CWC15: variants seen among roughly 807,000 people sequenced by gnomAD.
The protein encoded by CWC15 is CWC15 spliceosome associated protein.
Under a neutral mutation model 28.4 loss-of-function variants are expected in CWC15, and 12 were observed. That is an observed-to-expected ratio of 0.42 (90% confidence interval 0.27 to 0.69). The LOEUF is 0.69. CWC15 is among the 30% of genes least tolerant of loss of function. The pLI is 0.23. For synonymous variants in CWC15, 92 were observed against 88.4 expected (o/e 1.04, Z -0.23); for missense variants, 192 against 271.5 (o/e 0.71, Z 2.06).
rs923400366 is a variant in CWC15 at position 94,970,247 on chromosome 11, G to A, written c.334-151C>T. ...GCTAGCAGCAAAGATACTCAAAAGTGCAAAAAAGTGTGCTAAATTCTCAGA... is the reference window on the plus strand; with the variant it reads ...GCTAGCAGCAAAGATACTCAAAAGTACAAAAAAGTGTGCTAAATTCTCAGA... On this transcript the variant is annotated intron_variant, in intron 4 of 6. Coordinates refer to ENST00000279839, the MANE Select transcript of CWC15 (RefSeq NM_016403.4). 2.9e-5 allele frequency: 12 copies of A among 411,874 alleles called. No individual in the cohort carries two copies. In the East Asian group the frequency reaches 4.0e-4, roughly 14 times the overall value. 25.5% of individuals were successfully genotyped at this position (411,874 alleles called of 1,614,324 possible).
chr11:94,962,936 C>G lies in CWC15; in HGVS notation c.*449G>C, dbSNP rs1369719719. On this transcript the variant is annotated 3_prime_UTR_variant, in exon 7 of 7. Transcript: ENST00000279839. ...ATAGAATCCCTCTCATCTTCCATTA[C>G]ACTCTTTTAAAAAATGCAGAGAAAA... 6.6e-6 allele frequency: 1 copy of G among 152,556 alleles called. No individual in the cohort carries two copies. Among genetic ancestry groups the G allele is most frequent in the Admixed American group, 6.5e-5 (1 of 15,268 alleles). The allele number at this position is 152,556 out of a possible 1,614,324, so 9.5% of individuals were successfully genotyped here.
chr11:94,964,079 A>G (rs1346636965), intron 6 of CWC15, among the ~76,000 whole-genome samples: 1 of 152,172 alleles, frequency 6.6e-6, no homozygotes, highest in Non-Finnish European at 1.5e-5. Flanking sequence ...TACCAGCTGA[A>G]GAGCTCAGAG....
In CWC15 at chr11:94,962,859, C is replaced by G. The variant is rs1857587245; in HGVS notation, c.*526G>C. The G allele has an allele frequency of 6.6e-6, 1 of 152,222 alleles. No individual in the cohort carries two copies. Among genetic ancestry groups the G allele is most frequent in the African/African-American group, 2.4e-5 (1 of 41,442 alleles). 9.4% of individuals were successfully genotyped at this position (152,222 alleles called of 1,614,324 possible). A position where few individuals can be genotyped will look rare whatever the true frequency, so the allele number is the denominator to read the frequency against. On this transcript the variant is annotated 3_prime_UTR_variant, in exon 7 of 7. Transcript: ENST00000279839. ...TACCCAATGCTCTCCCAGACACACG[C>G]CTGGGGTGCTTACTGTCAATGACAC...
chr11:94,963,177 C>T lies in CWC15; in HGVS notation c.*208G>A. 2.9e-6 allele frequency: 1 copy of T among 346,660 alleles called. No individual in the cohort carries two copies. Among genetic ancestry groups the T allele is most frequent in the East Asian group, 4.5e-5 (1 of 22,446 alleles). The allele number at this position is 346,660 out of a possible 1,614,324, so 21.5% of individuals were successfully genotyped here. A position where few individuals can be genotyped will look rare whatever the true frequency, so the allele number is the denominator to read the frequency against. On this transcript the variant is annotated 3_prime_UTR_variant, in exon 7 of 7. Coordinates refer to ENST00000279839, the MANE Select transcript of CWC15 (RefSeq NM_016403.4). ...ATTTGCTTTTCCCAGGAAAACATAT[C>T]ACTGGAAACATTTGGAGAATGCAAA...
At chr11:94,966,267 A>T (rs991233865) in intron 6 of CWC15, 28 bp downstream of exon 6, 49 of 1,060,440 alleles carry the variant, frequency 4.6e-5, no homozygotes, top group Non-Finnish European at 5.8e-5. Flanking sequence ...ACACACACAC[A>T]CTCCATTACT....
chr11:94,967,718 T>C (rs1383407319), intron 5 of CWC15, among the ~76,000 whole-genome samples: 2 of 152,146 alleles, frequency 1.3e-5, no homozygotes, highest in African/African-American at 4.8e-5. Context: ...AAAATCAAAA[T>C]GGGAGGTGAA....
At chr11:94,972,970 C>A (rs1265021017) in intron 1 of CWC15, among the ~76,000 whole-genome samples, 1 of 137,326 alleles carries the variant, frequency 7.3e-6, no homozygotes, top group African/African-American at 2.7e-5. Context: ...TACTGTGCAG[C>A]AGATGCAGTC....
intron 5 of CWC15, among the ~76,000 whole-genome samples, chr11:94,967,051 CTTT>C (rs55894842): frequency 7.0e-6 from 1 of 142,990 alleles, no homozygotes. Flanking sequence ...CTGAGTTTTT[CTTT>C]TTTTTTTTTT....
chr11:94,972,282 G>A, intron 1 of CWC15, 89 bp from the exon 2 acceptor site: 1 of 1,273,374 alleles, frequency 7.9e-7, no homozygotes, highest in Non-Finnish European at 1.1e-6. Flanking sequence ...GGTAAAATAA[G>A]TTCTAAAACT....
chr11:94,970,575 A>C, intron 4 of CWC15: 1 of 193,114 alleles, frequency 5.2e-6, no homozygotes, highest in Non-Finnish European at 1.1e-5. Flanking sequence ...AGTGTATTGC[A>C]CTTATAGAAG....
Position 94,971,394 on chromosome 11 carries a change from A to G in CWC15, c.225T>C (p.Asn75=), listed in dbSNP as rs1047491070. 3.7e-6 allele frequency: 6 copies of G among 1,612,042 alleles called. No individual in the cohort carries two copies. Among genetic ancestry groups the G allele is most frequent in the Non-Finnish European group, 4.2e-6 (5 of 1,178,970 alleles). The change falls in exon 3 of 7, where the codon AAT becomes AAC. Residue 75 remains asparagine (N), a synonymous_variant. Transcript: ENST00000279839. ...TGGTACCTCGGGTTGGACGATCCCT[A>G]TTTTTCTCTCTTGCAGCAGCTCTCT... ...ERERAAAREK[N]RDRPTREHTT... is the part of the protein sequence containing the mutation.
Position 94,970,792 on chromosome 11 carries a change from T to A in CWC15, c.333+185A>T, listed in dbSNP as rs145625702. On this transcript the variant is annotated intron_variant, in intron 4 of 6. Transcript: ENST00000279839. ...CTAGAGATCAAACTTGTTCTTAAAG[T>A]CCCACAAAATAATACTTTTGATTTT... 1.9e-4 allele frequency: 111 copies of A among 584,682 alleles called. No individual in the cohort carries two copies. In the East Asian group the frequency reaches 3.1e-3, roughly 16 times the overall value. The allele number at this position is 584,682 out of a possible 1,614,324, so 36.2% of individuals were successfully genotyped here. A position where few individuals can be genotyped will look rare whatever the true frequency, so the allele number is the denominator to read the frequency against.
Position 94,970,017 on chromosome 11 carries a change from T to C in CWC15, c.413A>G (p.Lys138Arg). The C allele has an allele frequency of 6.4e-7, 1 of 1,570,032 alleles. No homozygotes were observed. The highest frequency in any genetic ancestry group is 8.6e-7 in the Non-Finnish European group (1 of 1,156,972). Residue 138 changes from lysine to arginine, a missense_variant, in exon 5 of 7, where the codon AAA becomes AGA. Coordinates refer to ENST00000279839, the MANE Select transcript of CWC15 (RefSeq NM_016403.4). ...CCTGGCCTGCTCTTCAGCTCTTTCT[T>C]TTTTAATTTTTTCCAGTTCTGCAAG... ...ALLAELEKIK[K>R]ERAEEQARKE...
chr11:94,968,527 A>T (rs1300347596), intron 5 of CWC15, among the ~76,000 whole-genome samples: 3 of 152,220 alleles, frequency 2.0e-5, no homozygotes, highest in African/African-American at 7.2e-5. Context: ...GTCCAGAACT[A>T]TTAGGCAAGC....
rs782148562 is a variant in CWC15, at chr11:94,969,962, T to C, written c.441+27A>G. 18 of 1,439,646 alleles carry C rather than the reference T, an allele frequency of 1.3e-5. No homozygotes were observed. The African/African-American group carries it at 1.9e-4, about 15-fold the overall frequency. The allele number at this position is 1,439,646 out of a possible 1,614,324, so 89.2% of individuals were successfully genotyped here. A position where few individuals can be genotyped will look rare whatever the true frequency, so the allele number is the denominator to read the frequency against. On this transcript the variant is annotated intron_variant, in intron 5 of 6. Coordinates refer to ENST00000279839, the MANE Select transcript of CWC15 (RefSeq NM_016403.4). The stretch of plus-strand genomic sequence containing the variant: ...ACCTTAGTGTATGTGAGAAGATAGA[T>C]GTAAATATTTAATACTTTGGTTTTA...
rs1202018144 is a variant in CWC15 at position 94,970,820 on chromosome 11, A to G, written c.333+157T>C. On this transcript the variant is annotated intron_variant, in intron 4 of 6. Coordinates refer to ENST00000279839, the MANE Select transcript of CWC15 (RefSeq NM_016403.4). ...CACAAAATAATACTTTTGATTTTAA[A>G]ATCAACTATAAAGTTTAGCACTGAG... The G allele has an allele frequency of 6.2e-6, 4 of 642,310 alleles. No homozygotes were observed. In the African/African-American group the frequency reaches 7.3e-5, roughly 12 times the overall value. 39.8% of individuals were successfully genotyped at this position (642,310 alleles called of 1,614,324 possible). A position where few individuals can be genotyped will look rare whatever the true frequency, so the allele number is the denominator to read the frequency against.
At chr11:94,969,769 A>G (rs587682628) in intron 5 of CWC15, among the ~76,000 whole-genome samples, 2 of 152,236 alleles carry the variant, frequency 1.3e-5, no homozygotes, top group African/African-American at 4.8e-5. Flanking sequence ...AAGCCTGTGA[A>G]TATTACTCAG....
chr11:94,971,460 C>G lies in CWC15; in HGVS notation c.159G>C (p.Glu53Asp), dbSNP rs782500182. The change falls in exon 3 of 7, where the codon GAG becomes GAC. Residue 53 changes from glutamate (E) to aspartate (D), a missense_variant. Around this residue, in one of 2 missense-constraint regions of CWC15, gnomAD observed 188 missense variants for 250.3 expected, o/e 0.75. Transcript: ENST00000279839. ...YRQTTQDAPE[E>D]VRNRDFRREL... ...CTCTCCTGAAGTCACGGTTACGAACCTCTTCAGGGGCATCCTGAGTAGTCT... is the reference window on the plus strand; with the variant it reads ...CTCTCCTGAAGTCACGGTTACGAACGTCTTCAGGGGCATCCTGAGTAGTCT... 1.7e-5 allele frequency: 28 copies of G among 1,611,200 alleles called. No homozygotes were observed. The East Asian group carries it at 6.0e-4, about 35-fold the overall frequency.
At position 94,962,755 on chromosome 11, in the gene CWC15, G is replaced by C. The variant is rs1052148078; in HGVS notation, c.*630C>G. 1 of 152,060 alleles carries C rather than the reference G, an allele frequency of 6.6e-6. No individual in the cohort carries two copies. The highest frequency in any genetic ancestry group is 1.9e-4 in the East Asian group (1 of 5,196). The allele number at this position is 152,060 out of a possible 1,614,324, so 9.4% of individuals were successfully genotyped here. Reference sequence around the variant, plus strand: ...AGTATCCAGAACACAAGTGAGTACCGTATACTTTAAAAGAATGCTTACAGA... The same window carrying C: ...AGTATCCAGAACACAAGTGAGTACCCTATACTTTAAAAGAATGCTTACAGA... On this transcript the variant is annotated 3_prime_UTR_variant, in exon 7 of 7. Transcript: ENST00000279839.
Sources: gnomAD v4.1 joint callset for allele counts (sites outside exome capture counted in the v4.1 genomes callset) on GRCh38, gnomAD v4.1.1 for gene constraint, gnomAD v4.1.1 regional missense constraint, MANE v1.5 for transcripts, NCBI Gene and HGNC (gene_info 2026-07-23, HGNC 2026-07-21) for gene names.